Variants in MYO1D observed in about 807,000 individuals in gnomAD.
MYO1D encodes the protein myosin ID, also known as unconventional myosin-Id.
Under a neutral mutation model 122.0 loss-of-function variants are expected in MYO1D, and 83 were observed. The observed-to-expected ratio is 0.68, with a 90% confidence interval of 0.57 to 0.82. MYO1D has a LOEUF of 0.82. MYO1D is among the 40% of genes least tolerant of loss of function. The pLI, the probability that MYO1D is intolerant of heterozygous loss-of-function variation, is 0.00. For synonymous variants in MYO1D, 464 were observed against 446.9 expected (o/e 1.04, Z -0.48); for missense variants, 1,157 against 1,269.5 (o/e 0.91, Z 1.35).
At chr17:32,742,606 A>G (rs1209973715) in intron 13 of MYO1D, among the ~76,000 whole-genome samples, 1 of 152,238 alleles carries the variant, frequency 6.6e-6, no homozygotes, top group African/African-American at 2.4e-5. Flanking sequence ...TTTTCTGCAC[A>G]GAGAAATGCT....
At chr17:32,831,259 G>A (rs1419150693) in intron 1 of MYO1D, among the ~76,000 whole-genome samples, 1 of 152,146 alleles carries the variant, frequency 6.6e-6, no homozygotes, top group Non-Finnish European at 1.5e-5. Flanking sequence ...AACATTTTTT[G>A]AAGCACATGA....
At chr17:32,568,329 A>C (rs911137462) in intron 21 of MYO1D, among the ~76,000 whole-genome samples, 1 of 152,224 alleles carries the variant, frequency 6.6e-6, no homozygotes, top group Non-Finnish European at 1.5e-5. Context: ...CTTATAACCA[A>C]CATTTAGGCA....
intron 21 of MYO1D, among the ~76,000 whole-genome samples, chr17:32,501,759 T>C (rs117511061): frequency 0.013 from 1,972 of 152,342 alleles, 13 homozygotes; most frequent in Middle Eastern, 0.02. Context: ...CTGCTGTTTA[T>C]CTGCATCCTT....
At chr17:32,787,079 T>G (rs1276246764) in intron 1 of MYO1D, among the ~76,000 whole-genome samples, 1 of 151,724 alleles carries the variant, frequency 6.6e-6, no homozygotes, top group African/African-American at 2.4e-5. Flanking sequence ...GGAGAAATTG[T>G]GTTTAAAATC....
At chr17:32,858,355 T>A (rs2091043827) in intron 1 of MYO1D, among the ~76,000 whole-genome samples, 1 of 152,242 alleles carries the variant, frequency 6.6e-6, no homozygotes, top group Non-Finnish European at 1.5e-5. Flanking sequence ...CCAATAAATG[T>A]CCCTTATAGC....
Position 32,592,725 on chromosome 17 carries a change from T to C in MYO1D, c.2864+12362A>G, listed in dbSNP as rs1310021487. 8.9e-3 allele frequency among the ~76,000 whole-genome samples: 1,351 copies of C among 151,574 alleles called. 21 individuals are homozygous for C. Among genetic ancestry groups the C allele is most frequent in the African/African-American group, 0.031 (1,289 of 41,152 alleles). ...ATCTAGCTGTTACAAATGTTCGATA[T>C]AACTTATGTAAAGTACAACAATGTA... On this transcript the variant is annotated intron_variant, in intron 21 of 21. Coordinates refer to ENST00000318217, the MANE Select transcript of MYO1D (RefSeq NM_015194.3).
chr17:32,875,903 G>A (rs1462280345), intron 1 of MYO1D, among the ~76,000 whole-genome samples: 1 of 152,176 alleles, frequency 6.6e-6, no homozygotes, highest in Non-Finnish European at 1.5e-5. Flanking sequence ...TAATGTTTAA[G>A]TCAAACTACT....
intron 3 of MYO1D, among the ~76,000 whole-genome samples, chr17:32,778,084 G>C (rs1274104735): frequency 6.6e-6 from 1 of 152,150 alleles, no homozygotes; most frequent in Non-Finnish European, 1.5e-5. Flanking sequence ...CTGATGTGGT[G>C]CAAAGAGCAA....
At chr17:32,594,288 AC>A in intron 21 of MYO1D, 1 of 333,652 alleles carries the variant, frequency 3.0e-6, no homozygotes, top group African/African-American at 2.1e-5. Context: ...AAGAAAGTTA[AC>A]ATGTTGCCCA....
At chr17:32,824,085 G>A (rs113701069) in intron 1 of MYO1D, among the ~76,000 whole-genome samples, 4,584 of 111,864 alleles carry the variant, frequency 0.041, 286 homozygotes, top group African/African-American at 0.14. Context: ...AAAAAAAAAA[G>A]AAGTACTAAA....
chr17:32,652,323 T>C (rs2088403573), intron 19 of MYO1D, among the ~76,000 whole-genome samples: 1 of 152,216 alleles, frequency 6.6e-6, no homozygotes, highest in Admixed American at 6.5e-5. Flanking sequence ...TGAAAAATCA[T>C]ATTTCATTAT....
chr17:32,751,399 C>A (rs946375591), intron 11 of MYO1D, among the ~76,000 whole-genome samples: 5 of 151,980 alleles, frequency 3.3e-5, no homozygotes, highest in African/African-American at 1.2e-4. Context: ...AGGTAAAAAT[C>A]CCAAAGAAGA....
At chr17:32,834,552 T>G (rs1388956276) in intron 1 of MYO1D, among the ~76,000 whole-genome samples, 1 of 152,162 alleles carries the variant, frequency 6.6e-6, no homozygotes, top group African/African-American at 2.4e-5. Flanking sequence ...CCAAATGCAG[T>G]CCAACTCTCC....
chr17:32,739,547 C>T (rs2089749822), intron 13 of MYO1D, among the ~76,000 whole-genome samples: 1 of 151,310 alleles, frequency 6.6e-6, no homozygotes, highest in Non-Finnish European at 1.5e-5. Context: ...ATGTAAATGA[C>T]GAGTTAATGG....
chr17:32,797,204 C>T (rs2090424231), intron 1 of MYO1D, among the ~76,000 whole-genome samples: 2 of 152,140 alleles, frequency 1.3e-5, no homozygotes, highest in African/African-American at 4.8e-5. Flanking sequence ...CTCCTGACCT[C>T]GTGATCCACC....
chr17:32,500,866 G>A (rs1035920554), intron 21 of MYO1D, among the ~76,000 whole-genome samples: 5 of 152,048 alleles, frequency 3.3e-5, no homozygotes, highest in Non-Finnish European at 5.9e-5. Context: ...AAAATTAGCC[G>A]GGCATGGTGG....
At chr17:32,637,320 A>G (rs2088114899) in intron 20 of MYO1D, among the ~76,000 whole-genome samples, 1 of 152,202 alleles carries the variant, frequency 6.6e-6, no homozygotes, top group Non-Finnish European at 1.5e-5. Context: ...ATTAGGCTTA[A>G]ACTGTAACTG....
chr17:32,498,704 AGAAG>A (rs1909212490), intron 21 of MYO1D: 1 of 152,262 alleles, frequency 6.6e-6, no homozygotes, highest in Admixed American at 6.5e-5. Flanking sequence ...CTCGCTTCGC[AGAAG>A]GAATTTCCAC....
At position 32,707,627 on chromosome 17, in the gene MYO1D, T is replaced by C. The variant is rs559476667; in HGVS notation, c.2121+4361A>G. Among the ~76,000 whole-genome samples, 9 of 152,360 alleles carry C rather than the reference T, an allele frequency of 5.9e-5. No individual in the cohort carries two copies. The East Asian group carries it at 1.3e-3, about 23-fold the overall frequency. On this transcript the variant is annotated intron_variant, in intron 16 of 21. Transcript: ENST00000318217. ...ACTATGCTTACAGTGGTCTGTCTGT[T>C]GGTCCTTGGCTGGTGTCTGGGAACT...
Sources: gnomAD v4.1 joint callset for allele counts (sites outside exome capture counted in the v4.1 genomes callset) on GRCh38, gnomAD v4.1.1 for gene constraint, MANE v1.5 for transcripts, NCBI Gene and HGNC (gene_info 2026-07-23, HGNC 2026-07-21) for gene names.